HPSE2: variants seen among roughly 807,000 people sequenced by gnomAD.
HPSE2 encodes heparanase 2 (inactive).
In HPSE2, 38 loss-of-function variants were observed where a neutral mutation model predicts 60.5. That is an observed-to-expected ratio of 0.63 (90% confidence interval 0.48 to 0.82). The LOEUF (loss-of-function observed/expected upper bound fraction) is 0.82. Ranked by LOEUF, HPSE2 falls within the 40% of genes least tolerant of loss-of-function variation. The probability of loss-of-function intolerance (pLI) is 0.00; values close to 1 mark genes in which losing one functional copy is unlikely to be tolerated. For missense variants in HPSE2, 713 were observed against 740.4 expected (o/e 0.96, Z 0.43); for synonymous variants, 295 against 293.2 (o/e 1.01, Z -0.06).
chr10:98,532,880 T>A (rs1256163513), intron 9 of HPSE2, among the ~76,000 whole-genome samples: 1 of 152,182 alleles, frequency 6.6e-6, no homozygotes, highest in African/African-American at 2.4e-5. Context: ...CCTTTATTGC[T>A]TCTGGCCTTA....
chr10:98,823,178 A>G (rs1951462614), intron 3 of HPSE2, among the ~76,000 whole-genome samples: 1 of 152,198 alleles, frequency 6.6e-6, no homozygotes, highest in Non-Finnish European at 1.5e-5. Flanking sequence ...TCTCTCTTGG[A>G]ACGTCTGGAA....
intron 5 of HPSE2, among the ~76,000 whole-genome samples, chr10:98,708,460 A>G (rs1184226438): frequency 1.3e-5 from 2 of 152,076 alleles, no homozygotes; most frequent in African/African-American, 4.8e-5. Flanking sequence ...CGTCTCAAAA[A>G]AAAAAAAAAA....
At chr10:98,731,862 T>C (rs1197556413) in intron 4 of HPSE2, among the ~76,000 whole-genome samples, 1 of 152,108 alleles carries the variant, frequency 6.6e-6, no homozygotes, top group Non-Finnish European at 1.5e-5. Flanking sequence ...AATATGATCC[T>C]ACATACAGAA....
At chr10:99,086,122 C>T in intron 3 of HPSE2, among the ~76,000 whole-genome samples, 1 of 152,062 alleles carries the variant, frequency 6.6e-6, no homozygotes, top group Admixed American at 6.6e-5. Flanking sequence ...CAGAACTTAC[C>T]ATACTCTATC....
At chr10:98,666,963 A>G (rs1478010361) in intron 6 of HPSE2, among the ~76,000 whole-genome samples, 1 of 152,124 alleles carries the variant, frequency 6.6e-6, no homozygotes, top group Non-Finnish European at 1.5e-5. Context: ...AGTCCATACA[A>G]AAGATCAATA....
intron 2 of HPSE2, among the ~76,000 whole-genome samples, chr10:99,167,479 A>G (rs1439198805): frequency 1.3e-5 from 2 of 152,224 alleles, no homozygotes; most frequent in Non-Finnish European, 2.9e-5. Context: ...ATCTTTTCAC[A>G]TAAGAACTTC....
intron 3 of HPSE2, among the ~76,000 whole-genome samples, chr10:98,908,679 A>G (rs374647780): frequency 1.1e-4 from 9 of 82,430 alleles, no homozygotes; most frequent in African/African-American, 4.2e-4. Context: ...GCGTAGCTCC[A>G]TCTCAAAAAA....
chr10:99,218,841 C>G (rs1318733831), intron 2 of HPSE2, among the ~76,000 whole-genome samples: 8 of 152,164 alleles, frequency 5.3e-5, no homozygotes, highest in Non-Finnish European at 8.8e-5. Flanking sequence ...ATCTACATCT[C>G]ACAGGATTTA....
At chr10:99,159,707 C>T (rs1033836983) in intron 2 of HPSE2, among the ~76,000 whole-genome samples, 2 of 151,992 alleles carry the variant, frequency 1.3e-5, no homozygotes, top group Non-Finnish European at 1.5e-5. Context: ...TATAAATTTT[C>T]TAGACAAAAA....
At chr10:99,110,482 G>T (rs1490305799) in intron 3 of HPSE2, among the ~76,000 whole-genome samples, 2 of 152,110 alleles carry the variant, frequency 1.3e-5, no homozygotes, top group African/African-American at 4.8e-5. Context: ...AGACTTTGGA[G>T]AAGTAAGACT....
At chr10:98,533,832 T>C (rs1195541463) in intron 9 of HPSE2, among the ~76,000 whole-genome samples, 4 of 152,218 alleles carry the variant, frequency 2.6e-5, no homozygotes, top group Non-Finnish European at 1.5e-5. Flanking sequence ...TAAATGCAGA[T>C]GGAGAACATG....
At chr10:98,742,821 T>C (rs1242386847) in intron 4 of HPSE2, among the ~76,000 whole-genome samples, 2 of 128,882 alleles carry the variant, frequency 1.6e-5, no homozygotes, top group African/African-American at 5.4e-5. Flanking sequence ...ACACACACTT[T>C]AATGATTAAA....
At chr10:98,909,008 C>T (rs551820570) in intron 3 of HPSE2, among the ~76,000 whole-genome samples, 2 of 152,220 alleles carry the variant, frequency 1.3e-5, no homozygotes, top group South Asian at 2.1e-4. Flanking sequence ...ACTCCAGGCC[C>T]GAATCTATGT....
chr10:98,585,078 C>T (rs1194393956), intron 9 of HPSE2, among the ~76,000 whole-genome samples: 1 of 152,000 alleles, frequency 6.6e-6, no homozygotes, highest in Non-Finnish European at 1.5e-5. Flanking sequence ...CTACTCAATC[C>T]CCCCAAAATC....
At chr10:98,488,159 G>C (rs1941507957) in intron 10 of HPSE2, among the ~76,000 whole-genome samples, 1 of 152,292 alleles carries the variant, frequency 6.6e-6, no homozygotes, top group Non-Finnish European at 1.5e-5. Flanking sequence ...GAGAGCTGGT[G>C]GTGTAGACAG....
intron 9 of HPSE2, among the ~76,000 whole-genome samples, chr10:98,550,063 C>T (rs1943813933): frequency 6.6e-6 from 1 of 152,320 alleles, no homozygotes; most frequent in South Asian, 2.1e-4. Context: ...AAACATTTTC[C>T]CTCCAAAGGG....
At chr10:99,231,747 C>CT (rs1564910510) in intron 2 of HPSE2, among the ~76,000 whole-genome samples, 1 of 151,836 alleles carries the variant, frequency 6.6e-6, no homozygotes, top group South Asian at 2.1e-4. Context: ...GAAGAACTAA[C>CT]TGTGGAGATT....
At position 98,459,527 on chromosome 10, in the gene HPSE2, G is replaced by A; in HGVS notation, c.*47C>T. ...GAGGATACTACTGGAGTGGAGGAGT[G>A]GAAGCAGCCCAGCAGGCCCACTGGT... On this transcript the variant is annotated 3_prime_UTR_variant, in exon 12 of 12. Coordinates refer to ENST00000370552, the MANE Select transcript of HPSE2 (RefSeq NM_021828.5). 1 of 1,600,294 alleles carries A rather than the reference G, an allele frequency of 6.2e-7. No individual in the cohort carries two copies. Among genetic ancestry groups the A allele is most frequent in the Non-Finnish European group, 8.6e-7 (1 of 1,167,674 alleles).
At chr10:98,973,217 T>G (rs1240159481) in intron 3 of HPSE2, among the ~76,000 whole-genome samples, 1 of 152,150 alleles carries the variant, frequency 6.6e-6, no homozygotes, top group East Asian at 1.9e-4. Context: ...GAGCCTGCAG[T>G]AACCCTTTCC....
Sources: gnomAD v4.1 joint callset for allele counts (sites outside exome capture counted in the v4.1 genomes callset) on GRCh38, gnomAD v4.1.1 for gene constraint, MANE v1.5 for transcripts, NCBI Gene and HGNC (gene_info 2026-07-23, HGNC 2026-07-21) for gene names.